Variants in COL4A1 observed in about 807,000 individuals in gnomAD.
COL4A1 encodes collagen type IV alpha 1 chain.
A neutral mutation model predicts 216.6 loss-of-function variants in COL4A1; 40 were observed. The observed-to-expected ratio is 0.18, with a 90% CI of 0.14 to 0.24. The LOEUF (loss-of-function observed/expected upper bound fraction) is 0.24. COL4A1 is among the 10% of genes least tolerant of loss of function. COL4A1 has a pLI of 1.00. For synonymous variants in COL4A1, 839 were observed against 810.7 expected (o/e 1.03, Z -0.59); for missense variants, 1,628 against 2,196.8 (o/e 0.74, Z 5.18).
chr13:110,194,917 G>A (rs963060009), intron 22 of COL4A1, 106 bp downstream of exon 22: 23 of 838,910 alleles, frequency 2.7e-5, no homozygotes, highest in South Asian at 1.7e-4. Context: ...AGGAACCTAC[G>A]CCCTAACTCT....
chr13:110,232,293 A>C (rs1485382281), intron 2 of COL4A1, among the ~76,000 whole-genome samples: 1 of 152,246 alleles, frequency 6.6e-6, no homozygotes, highest in Non-Finnish European at 1.5e-5. Context: ...TTTGCTCGTT[A>C]ACTCTGACTA....
At chr13:110,212,378 A>G in intron 6 of COL4A1, 39 bp downstream of exon 6, 1 of 1,611,184 alleles carries the variant, frequency 6.2e-7, no homozygotes, top group Non-Finnish European at 8.5e-7. Context: ...AAAATTACGT[A>G]AACACACACA....
rs1338800071 is a variant in COL4A1, at chr13:110,198,480, C to T, written c.1272G>A (p.Gln424=). ...GAGGGAACTCACTTGTGTAGCCAGG[C>T]TGCCCAGGGGGCCCAGGGGAACCAG... ...GPPGSPGPPG[Q]PGYTNGIVEC... is the part of the protein sequence containing the mutation. Residue 424 remains glutamine, a synonymous_variant, in exon 21 of 52, where the codon CAG becomes CAA. Coordinates refer to ENST00000375820, the MANE Select transcript of COL4A1 (RefSeq NM_001845.6). 4 of 1,613,858 alleles carry T rather than the reference C, an allele frequency of 2.5e-6. No individual in the cohort carries two copies. Among genetic ancestry groups the T allele is most frequent in the East Asian group, 2.2e-5 (1 of 44,862 alleles).
chr13:110,175,272 C>A lies in COL4A1; in HGVS notation c.3144G>T (p.Glu1048Asp), dbSNP rs368949397. 88 of 1,614,106 alleles carry A rather than the reference C, an allele frequency of 5.5e-5. No homozygotes were observed. Among genetic ancestry groups the A allele is most frequent in the Non-Finnish European group, 7.2e-5 (85 of 1,180,028 alleles). The stretch of plus-strand genomic sequence containing the variant: ...TGCCAGGTGGGCCTGCCTGCCCTTT[C>A]TCTCCTTTTGCACCTTTGTCTCCAG... ...GLPGDKGAKG[E>D]KGQAGPPGIG... The change falls in exon 37 of 52, where the codon GAG becomes GAT. Residue 1048 changes from glutamate to aspartate, a missense_variant. Physicochemically the swap from Glu to Asp is conservative, Grantham distance 45 (BLOSUM62 2). Transcript: ENST00000375820.
At chr13:110,193,635 C>T (rs1878744790) in intron 22 of COL4A1, among the ~76,000 whole-genome samples, 1 of 152,248 alleles carries the variant, frequency 6.6e-6, no homozygotes, top group Admixed American at 6.5e-5. Context: ...GGCGGCGTGG[C>T]CATGTTCTTC....
intron 2 of COL4A1, among the ~76,000 whole-genome samples, chr13:110,219,953 C>A (rs1396250001): frequency 1.6e-5 from 1 of 62,272 alleles, no homozygotes; most frequent in Non-Finnish European, 3.0e-5. Flanking sequence ...TATATATACA[C>A]ATACATACAT....
Position 110,179,195 on chromosome 13 carries a change from C to T in COL4A1, c.2344+76G>A, listed in dbSNP as rs1878029749. 5.3e-5 allele frequency: 84 copies of T among 1,590,312 alleles called. No individual in the cohort carries two copies. In the South Asian group the frequency reaches 6.1e-4, roughly 12 times the overall value. On this transcript the variant is annotated intron_variant, in intron 30 of 51. Coordinates refer to ENST00000375820, the MANE Select transcript of COL4A1 (RefSeq NM_001845.6). ...TCAACAAATACATATCAAATATACTCGGTAGGGGCTCTGGGAATGCAAAAA... is the reference window on the plus strand; with the variant it reads ...TCAACAAATACATATCAAATATACTTGGTAGGGGCTCTGGGAATGCAAAAA...
rs1354498903 is a variant in COL4A1 at position 110,200,712 on chromosome 13, C to A, written c.1120+142G>T. On this transcript the variant is annotated intron_variant, in intron 20 of 51. Transcript: ENST00000375820. ...TATCTACAAGCACTTGTCTACTCTG[C>A]TTTCATCACTAGAAAAGATGTCGTA... is the stretch of plus-strand genomic sequence containing the variant. 16 of 914,070 alleles carry A rather than the reference C, an allele frequency of 1.8e-5. No homozygotes were observed. In the African/African-American group the frequency reaches 2.5e-4, roughly 14 times the overall value. 56.6% of individuals were successfully genotyped at this position (914,070 alleles called of 1,614,324 possible).
At chr13:110,199,108 T>C (rs1879042594) in intron 20 of COL4A1, among the ~76,000 whole-genome samples, 1 of 152,150 alleles carries the variant, frequency 6.6e-6, no homozygotes, top group Non-Finnish European at 1.5e-5. Context: ...GAGTAGCCAT[T>C]AGGTGTGAAC....
chr13:110,166,261 T>C lies in COL4A1; in HGVS notation c.3992A>G (p.Gln1331Arg), dbSNP rs1877331676. Residue 1331 changes from glutamine (Q) to arginine (R), a missense_variant, in exon 45 of 52, where the codon CAA becomes CGA. Around this residue, in one of 8 missense-constraint regions of COL4A1, gnomAD observed 345 missense variants for 476.9 expected, o/e 0.72. Transcript: ENST00000375820. ...AGCTCCCGGGACGCCTTGATCGCCT[T>C]GATCACCTTTAATTCCCTGGAGGCC... Reference protein sequence around the residue: ...LPGLQGIKGDQGDQGVPGAKG... With the variant: ...LPGLQGIKGDRGDQGVPGAKG... 1 of 1,612,410 alleles carries C rather than the reference T, an allele frequency of 6.2e-7. No individual in the cohort carries two copies.
At chr13:110,150,551 G>A (rs1281612962) in intron 51 of COL4A1, 107 bp from the exon 52 acceptor site, 1 of 1,151,784 alleles carries the variant, frequency 8.7e-7, no homozygotes, top group East Asian at 2.5e-5. Flanking sequence ...CCCAGCCCCT[G>A]GCATCAGGCC....
chr13:110,234,600 A>T (rs1004255710), intron 2 of COL4A1, among the ~76,000 whole-genome samples: 1 of 152,128 alleles, frequency 6.6e-6, no homozygotes, highest in Non-Finnish European at 1.5e-5. Flanking sequence ...AAAAGAAAAA[A>T]ACAGGGGGGC....
intron 49 of COL4A1, among the ~76,000 whole-genome samples, chr13:110,160,649 C>T (rs1339338777): frequency 6.6e-6 from 1 of 152,202 alleles, no homozygotes; most frequent in African/African-American, 2.4e-5. Context: ...TATAAATTAT[C>T]TCTGCAAGCC....
chr13:110,256,926 T>C (rs1882604712), intron 1 of COL4A1, among the ~76,000 whole-genome samples: 3 of 152,210 alleles, frequency 2.0e-5, no homozygotes, highest in Admixed American at 2.0e-4. Context: ...TCATAGCTGT[T>C]CATCTCTTTT....
intron 1 of COL4A1, among the ~76,000 whole-genome samples, chr13:110,270,771 G>A (rs552676988): frequency 1.4e-4 from 21 of 152,312 alleles, no homozygotes; most frequent in African/African-American, 3.8e-4. Context: ...CTGCGTCACC[G>A]GAGAATATAG....
At chr13:110,292,214 A>C (rs750345288) in intron 1 of COL4A1, among the ~76,000 whole-genome samples, 2 of 152,208 alleles carry the variant, frequency 1.3e-5, no homozygotes, top group Non-Finnish European at 2.9e-5. Context: ...AGTTCTTACT[A>C]TAAAAATCTG....
At chr13:110,166,349 T>C in intron 44 of COL4A1, 46 bp from the exon 45 acceptor site, 2 of 1,166,212 alleles carry the variant, frequency 1.7e-6, no homozygotes, top group Non-Finnish European at 2.6e-6. Context: ...TTCCCAATGA[T>C]ATACAAATAT....
chr13:110,267,176 G>C (rs1461810163), intron 1 of COL4A1, among the ~76,000 whole-genome samples: 1 of 152,132 alleles, frequency 6.6e-6, no homozygotes, highest in Non-Finnish European at 1.5e-5. Flanking sequence ...CGGTCACCCA[G>C]TGGGCCCTGA....
intron 1 of COL4A1, among the ~76,000 whole-genome samples, chr13:110,297,645 AT>A: frequency 6.6e-6 from 1 of 152,342 alleles, no homozygotes; most frequent in African/African-American, 2.4e-5. Context: ...AAATGAAAAG[AT>A]TTGGAGCCAG....
Sources: gnomAD v4.1 joint callset for allele counts (sites outside exome capture counted in the v4.1 genomes callset) on GRCh38, gnomAD v4.1.1 for gene constraint, gnomAD v4.1.1 regional missense constraint, MANE v1.5 for transcripts, NCBI Gene and HGNC (gene_info 2026-07-23, HGNC 2026-07-21) for gene names.